The following RERE variants were observed in gnomAD, a reference collection of about 807,000 sequenced individuals.
RERE encodes the protein arginine-glutamic acid dipeptide repeats, also known as arginine-glutamic acid dipeptide repeats protein.
Under a neutral mutation model 146.1 loss-of-function variants are expected in RERE, and 40 were observed. The ratio of observed to expected loss-of-function variants is 0.27; its 90% CI spans 0.21 to 0.36. The LOEUF is 0.36. Among genes scored for constraint, RERE ranks in the 10% least tolerant of loss-of-function variants. The probability of loss-of-function intolerance (pLI) is 1.00; values close to 1 mark genes in which losing one functional copy is unlikely to be tolerated. For synonymous variants in RERE, 1,003 were observed against 866.0 expected (o/e 1.16, Z -2.78); for missense variants, 1,933 against 2,138.7 (o/e 0.90, Z 1.90).
At chr1:8,605,687 T>C (rs1035397343) in intron 4 of RERE, among the ~76,000 whole-genome samples, 9 of 127,168 alleles carry the variant, frequency 7.1e-5, no homozygotes, top group Admixed American at 3.2e-4. Flanking sequence ...AGGCAGGTGA[T>C]CATGCCAAAA....
chr1:8,766,022 A>G (rs1569747057), intron 1 of RERE, among the ~76,000 whole-genome samples: 1 of 152,138 alleles, frequency 6.6e-6, no homozygotes, highest in Admixed American at 6.5e-5. Context: ...CTGAGGCAGG[A>G]GAATCACTTG....
chr1:8,601,846 C>G (rs1570494124), intron 4 of RERE, among the ~76,000 whole-genome samples: 1 of 152,020 alleles, frequency 6.6e-6, no homozygotes, highest in African/African-American at 2.4e-5. Context: ...CTTTTTAGGT[C>G]CTTCTGCCTT....
At chr1:8,427,307 A>G (rs1255706421) in intron 11 of RERE, among the ~76,000 whole-genome samples, 2 of 152,156 alleles carry the variant, frequency 1.3e-5, no homozygotes, top group South Asian at 4.2e-4. Context: ...TGCTCATACC[A>G]CTTGGCCTAA....
intron 1 of RERE, among the ~76,000 whole-genome samples, chr1:8,717,220 T>C (rs1639782154): frequency 6.6e-6 from 1 of 152,178 alleles, no homozygotes; most frequent in African/African-American, 2.4e-5. Context: ...AGTCAGCTAA[T>C]GGTTTTTGAA....
intron 12 of RERE, among the ~76,000 whole-genome samples, chr1:8,399,484 C>T (rs555616468): frequency 6.6e-6 from 1 of 152,284 alleles, no homozygotes; most frequent in African/African-American, 2.4e-5. Flanking sequence ...GCCCCCATTA[C>T]ACTGACGTCT....
intron 1 of RERE, among the ~76,000 whole-genome samples, chr1:8,675,978 C>A (rs890965071): frequency 6.6e-6 from 1 of 152,124 alleles, no homozygotes; most frequent in Non-Finnish European, 1.5e-5. Flanking sequence ...TGAAGCATTT[C>A]AGATATCGTA....
intron 1 of RERE, among the ~76,000 whole-genome samples, chr1:8,694,752 C>CT: frequency 6.6e-6 from 1 of 150,866 alleles, no homozygotes; most frequent in South Asian, 2.1e-4. Flanking sequence ...AAGCGAGACT[C>CT]TATCTCAAAA....
intron 7 of RERE, among the ~76,000 whole-genome samples, chr1:8,535,665 T>C (rs945752965): frequency 2.0e-5 from 3 of 152,174 alleles, no homozygotes; most frequent in African/African-American, 7.2e-5. Flanking sequence ...GAAAGTATAG[T>C]CCCTGTAAAT....
In RERE at chr1:8,765,846, G is replaced by A. The variant is rs189546451; in HGVS notation, c.-145+51314C>T. 1.4e-4 allele frequency among the ~76,000 whole-genome samples: 21 copies of A among 152,342 alleles called. No homozygotes were observed. In the East Asian group the frequency reaches 4.1e-3, roughly 29 times the overall value. ...ACGTGCCTGCAATCCCGGCTACCCGGGAGGCTGAGGCAAGAGAATCGCTTG... is the reference window on the plus strand; with the variant it reads ...ACGTGCCTGCAATCCCGGCTACCCGAGAGGCTGAGGCAAGAGAATCGCTTG... On this transcript the variant is annotated intron_variant, in intron 1 of 22. Coordinates refer to ENST00000400908, the MANE Select transcript of RERE (RefSeq NM_001042681.2).
At chr1:8,495,204 AT>A in intron 9 of RERE, 42 bp from the exon 10 acceptor site, 8 of 1,429,046 alleles carry the variant, frequency 5.6e-6, no homozygotes, top group Non-Finnish European at 7.9e-6. Context: ...ACATAGTAAT[AT>A]CAGGACAGAG....
intron 12 of RERE, among the ~76,000 whole-genome samples, chr1:8,378,256 C>T (rs914195101): frequency 1.3e-5 from 2 of 152,228 alleles, no homozygotes; most frequent in African/African-American, 4.8e-5. Flanking sequence ...CTAAGGCAAA[C>T]ATCTTAGAAA....
chr1:8,715,780 T>C (rs1639752918), intron 1 of RERE, among the ~76,000 whole-genome samples: 1 of 151,854 alleles, frequency 6.6e-6, no homozygotes, highest in African/African-American at 2.4e-5. Flanking sequence ...GGTGCGTGCC[T>C]ATAATCCCAG....
Position 8,630,447 on chromosome 1 carries a change from G to A in RERE, c.326-6067C>T, listed in dbSNP as rs184162464. On this transcript the variant is annotated intron_variant, in intron 2 of 22. Coordinates refer to ENST00000400908, the MANE Select transcript of RERE (RefSeq NM_001042681.2). ...GAGATCCTAGCAAGAAAGTTGCTAC[G>A]CTCTATCAATATGAACAAAACAAAT... is the stretch of plus-strand genomic sequence containing the variant. 2.6e-3 allele frequency among the ~76,000 whole-genome samples: 389 copies of A among 152,144 alleles called. 1 individual carries two copies. The highest frequency in any genetic ancestry group is 8.9e-3 in the African/African-American group (370 of 41,504).
At chr1:8,728,851 G>A (rs1640024821) in intron 1 of RERE, among the ~76,000 whole-genome samples, 1 of 152,164 alleles carries the variant, frequency 6.6e-6, no homozygotes, top group East Asian at 1.9e-4. Flanking sequence ...CTAGGGCCAA[G>A]AGACTGCACC....
intron 1 of RERE, among the ~76,000 whole-genome samples, chr1:8,785,914 G>T (rs887222280): frequency 6.6e-6 from 1 of 152,018 alleles, no homozygotes; most frequent in Non-Finnish European, 1.5e-5. Flanking sequence ...GAGCCATCGC[G>T]CTCGGCCTGC....
intron 12 of RERE, among the ~76,000 whole-genome samples, chr1:8,410,323 C>T (rs1334372251): frequency 2.0e-5 from 3 of 152,178 alleles, no homozygotes; most frequent in Non-Finnish European, 2.9e-5. Context: ...TCACCCAGAA[C>T]GGCTGTTGCA....
intron 2 of RERE, among the ~76,000 whole-genome samples, chr1:8,650,783 G>C (rs573074194): frequency 6.6e-6 from 1 of 152,056 alleles, no homozygotes; most frequent in Non-Finnish European, 1.5e-5. Context: ...TGTAATCCCA[G>C]CTACTTATGA....
chr1:8,416,365 C>A (rs1302595726), intron 12 of RERE, among the ~76,000 whole-genome samples: 1 of 152,078 alleles, frequency 6.6e-6, no homozygotes, highest in Non-Finnish European at 1.5e-5. Context: ...GCGGGCGGAT[C>A]ACAAGGTCAG....
chr1:8,437,698 T>C (rs1644189499), intron 11 of RERE, among the ~76,000 whole-genome samples: 1 of 152,140 alleles, frequency 6.6e-6, no homozygotes, highest in African/African-American at 2.4e-5. Flanking sequence ...CACAAACAGA[T>C]TAGATCTGTA....
Sources: allele counts gnomAD v4.1 joint callset (sites outside exome capture counted in the v4.1 genomes callset), GRCh38; gene constraint gnomAD v4.1.1; transcripts MANE v1.5; gene names NCBI Gene and HGNC (gene_info 2026-07-23, HGNC 2026-07-21).